The following PEAK1 variants were observed in gnomAD, a reference collection of about 807,000 sequenced individuals.
PEAK1 encodes the protein pseudopodium enriched atypical kinase 1.
A neutral mutation model predicts 124.7 loss-of-function variants in PEAK1; 54 were observed. The observed-to-expected ratio is 0.43, with a 90% confidence interval of 0.35 to 0.54. PEAK1 has a LOEUF of 0.54. Ranked by LOEUF, PEAK1 falls within the 20% of genes least tolerant of loss-of-function variation. The probability of loss-of-function intolerance (pLI) is 0.01; values close to 1 mark genes in which losing one functional copy is unlikely to be tolerated. For missense variants in PEAK1, 2,046 were observed against 2,134.5 expected (o/e 0.96, Z 0.82); for synonymous variants, 719 against 760.0 (o/e 0.95, Z 0.89).
intron 2 of PEAK1, among the ~76,000 whole-genome samples, chr15:77,316,127 G>C (rs756569608): frequency 1.3e-5 from 2 of 152,062 alleles, no homozygotes; most frequent in Non-Finnish European, 2.9e-5. Context: ...ATAGCTAACT[G>C]TAATGCCACC....
intron 6 of PEAK1, among the ~76,000 whole-genome samples, chr15:77,187,362 T>C (rs1172808309): frequency 6.6e-6 from 1 of 152,124 alleles, no homozygotes; most frequent in East Asian, 1.9e-4. Context: ...TCTACTGCCA[T>C]ACAATGACAA....
chr15:77,116,535 C>T (rs1453570671), intron 9 of PEAK1, among the ~76,000 whole-genome samples: 3 of 151,658 alleles, frequency 2.0e-5, no homozygotes, highest in East Asian at 3.9e-4. Flanking sequence ...AGAAGCAGCA[C>T]ATTCTGATTT....
At chr15:77,329,721 C>G (rs1371261625) in intron 2 of PEAK1, among the ~76,000 whole-genome samples, 1 of 152,108 alleles carries the variant, frequency 6.6e-6, no homozygotes, top group East Asian at 1.9e-4. Context: ...TTTTTCATCA[C>G]TGAGTTATTC....
At chr15:77,279,919 T>G (rs1286868536) in intron 5 of PEAK1, among the ~76,000 whole-genome samples, 1 of 152,148 alleles carries the variant, frequency 6.6e-6, no homozygotes, top group Non-Finnish European at 1.5e-5. Flanking sequence ...AATTGTTAGA[T>G]GTAGGGAGAG....
chr15:77,406,956 C>G (rs935121972), intron 1 of PEAK1, among the ~76,000 whole-genome samples: 1 of 152,026 alleles, frequency 6.6e-6, no homozygotes, highest in African/African-American at 2.4e-5. Flanking sequence ...AACAGAGAAC[C>G]AAGAAATAAA....
rs139628092 is a variant in PEAK1 at position 77,334,035 on chromosome 15, C to T, written c.-603+31128G>A. ...AAGACTGAGTCCTGCTTATTAGAAA[C>T]ATGTTTAATCTCTGTACTTATTCAA... On this transcript the variant is annotated intron_variant, in intron 2 of 9. Transcript: ENST00000682557. 2.1e-3 allele frequency: 1,293 copies of T among 626,692 alleles called. 16 individuals are homozygous for T. In the African/African-American group the frequency reaches 0.024, roughly 12 times the overall value. The allele number at this position is 626,692 out of a possible 1,614,324, so 38.8% of individuals were successfully genotyped here.
chr15:77,385,319 A>C (rs926353829), intron 1 of PEAK1, among the ~76,000 whole-genome samples: 2 of 152,226 alleles, frequency 1.3e-5, no homozygotes, highest in Non-Finnish European at 2.9e-5. Context: ...ATGTTCTTTA[A>C]AGTTTTGCAA....
At chr15:77,393,390 T>A (rs1298554180) in intron 1 of PEAK1, among the ~76,000 whole-genome samples, 1 of 152,094 alleles carries the variant, frequency 6.6e-6, no homozygotes, top group Non-Finnish European at 1.5e-5. Flanking sequence ...TTCCCTCCTT[T>A]TGAGAAGAAA....
chr15:77,259,866 G>T (rs1043362372), intron 5 of PEAK1, among the ~76,000 whole-genome samples: 2 of 152,158 alleles, frequency 1.3e-5, no homozygotes, highest in African/African-American at 4.8e-5. Flanking sequence ...TGGAGAGATA[G>T]AAAAAAGTGC....
chr15:77,280,762 C>T (rs969201520), intron 5 of PEAK1, among the ~76,000 whole-genome samples: 1 of 152,118 alleles, frequency 6.6e-6, no homozygotes, highest in African/African-American at 2.4e-5. Context: ...CTTTTATGAG[C>T]TCTAAACATT....
At chr15:77,333,835 G>T in intron 2 of PEAK1, 1 of 667,386 alleles carries the variant, frequency 1.5e-6, no homozygotes, top group Non-Finnish European at 1.9e-6. Context: ...ATATGGTGGT[G>T]CAATTCCAAC....
intron 2 of PEAK1, among the ~76,000 whole-genome samples, chr15:77,308,159 A>G (rs1222727482): frequency 1.3e-5 from 2 of 152,132 alleles, no homozygotes; most frequent in Admixed American, 1.3e-4. Flanking sequence ...GCTTTTTAAT[A>G]TAAGCTTTCA....
intron 5 of PEAK1, among the ~76,000 whole-genome samples, chr15:77,281,775 C>T (rs1414266674): frequency 7.9e-5 from 12 of 152,180 alleles, no homozygotes; most frequent in East Asian, 1.9e-4. Flanking sequence ...ATGAAATATT[C>T]AATAACTACT....
chr15:77,419,377 G>A (rs62007299), intron 1 of PEAK1: 679,048 of 984,946 alleles, frequency 0.69, 236,351 homozygotes, highest in Non-Finnish European at 0.71. Flanking sequence ...AGAACGGATG[G>A]GTCAAAGGGC....
chr15:77,317,659 A>T (rs1176858798), intron 2 of PEAK1, among the ~76,000 whole-genome samples: 1 of 152,226 alleles, frequency 6.6e-6, no homozygotes, highest in Non-Finnish European at 1.5e-5. Flanking sequence ...ACTCCTCGTT[A>T]GCCCTCACAG....
chr15:77,412,270 T>A (rs774912393), intron 1 of PEAK1, among the ~76,000 whole-genome samples: 1 of 152,218 alleles, frequency 6.6e-6, no homozygotes, highest in Non-Finnish European at 1.5e-5. Context: ...TAGATTCCCA[T>A]GTTCAACTGC....
chr15:77,264,375 T>C (rs2061604609), intron 5 of PEAK1, among the ~76,000 whole-genome samples: 1 of 152,042 alleles, frequency 6.6e-6, no homozygotes, highest in African/African-American at 2.4e-5. Flanking sequence ...CAGCCCAAAA[T>C]CTCCTAAAGC....
chr15:77,267,739 T>G (rs1434401551), intron 5 of PEAK1, among the ~76,000 whole-genome samples: 2 of 152,148 alleles, frequency 1.3e-5, no homozygotes, highest in Non-Finnish European at 2.9e-5. Flanking sequence ...GATCTTCCCT[T>G]TGATATAGTA....
chr15:77,367,094 A>G (rs945468458), intron 1 of PEAK1, among the ~76,000 whole-genome samples: 1 of 152,218 alleles, frequency 6.6e-6, no homozygotes, highest in African/African-American at 2.4e-5. Context: ...AGATCATGCC[A>G]CTGTACTCCA....
Sources: gnomAD v4.1 joint callset for allele counts (sites outside exome capture counted in the v4.1 genomes callset) on GRCh38, gnomAD v4.1.1 for gene constraint, MANE v1.5 for transcripts, NCBI Gene and HGNC (gene_info 2026-07-23, HGNC 2026-07-21) for gene names.